The following NDC80 variants were observed in gnomAD, a reference collection of about 807,000 sequenced individuals.
NDC80 encodes NDC80 kinetochore complex component.
Under a neutral mutation model 89.3 loss-of-function variants are expected in NDC80, and 69 were observed. The ratio of observed to expected loss-of-function variants is 0.77; its 90% CI spans 0.64 to 0.94. NDC80 has a LOEUF of 0.94. Among genes scored for constraint, NDC80 ranks in the 40% least tolerant of loss-of-function variants. The pLI is 0.00. For missense variants in NDC80, 593 were observed against 739.6 expected, an observed-to-expected ratio of 0.80 and a Z score of 2.30; for synonymous variants, 243 against 255.6, an observed-to-expected ratio of 0.95 and a Z score of 0.47.
chr18:2,602,719 G>A (rs2072690404), intron 13 of NDC80, among the ~76,000 whole-genome samples: 1 of 152,160 alleles, frequency 6.6e-6, no homozygotes, highest in Non-Finnish European at 1.5e-5. Flanking sequence ...TAGTGTCCTA[G>A]AGATAAATAC....
intron 11 of NDC80, 145 bp from the exon 12 acceptor site, chr18:2,598,874 C>G (rs4798003): frequency 0.43 from 291,602 of 683,342 alleles, 66,217 homozygotes; most frequent in East Asian, 0.71. Flanking sequence ...TTTAAAACTG[C>G]TACTCTTACT....
In NDC80 at chr18:2,601,444, G is replaced by T. The variant is rs1477612594; in HGVS notation, c.1423G>T (p.Ala475Ser). ...TGAAACTGAAGAAGAAATTAATAAA[G>T]CCCTAAATAAAAAAATGGGTTTGGA... ...LNETEEEINK[A>S]LNKKMGLEDT... Residue 475 changes from alanine (A) to serine (S), a missense_variant, in exon 13 of 17, where the codon GCC (alanine) becomes TCC (serine). Physicochemically the swap from Ala to Ser is moderately conservative, Grantham distance 99. Coordinates refer to ENST00000261597, the MANE Select transcript of NDC80 (RefSeq NM_006101.3). 1 of 1,525,560 alleles carries T rather than the reference G, an allele frequency of 6.6e-7. No individual in the cohort carries two copies. The highest frequency in any genetic ancestry group is 8.9e-7 in the Non-Finnish European group (1 of 1,120,890). The allele number at this position is 1,525,560 out of a possible 1,614,324, so 94.5% of individuals were successfully genotyped here. A position where few individuals can be genotyped will look rare whatever the true frequency, so the allele number is the denominator to read the frequency against.
chr18:2,595,405 T>C lies in NDC80; in HGVS notation c.1016-11T>C. The C allele has an allele frequency of 6.2e-7, 1 of 1,608,154 alleles. No homozygotes were observed. Among genetic ancestry groups the C allele is most frequent in the African/African-American group, 1.3e-5 (1 of 74,662 alleles). On this transcript the variant is annotated splice_polypyrimidine_tract_variant and intron_variant, in intron 10 of 16. Transcript: ENST00000261597. ...AAGATACATTAAAAATTTGGTTTTT[T>C]TCCAACACAGAACTAGAATGTGAAA...
At chr18:2,614,767 A>C (rs947899477) in intron 16 of NDC80, among the ~76,000 whole-genome samples, 3 of 152,222 alleles carry the variant, frequency 2.0e-5, no homozygotes, top group African/African-American at 7.2e-5. Flanking sequence ...GCCCCCCGCA[A>C]AAGTCATGTC....
At chr18:2,609,833 C>A (rs2143668775) in intron 15 of NDC80, among the ~76,000 whole-genome samples, 2 of 152,300 alleles carry the variant, frequency 1.3e-5, no homozygotes, top group South Asian at 4.1e-4. Context: ...TGTGTGTATT[C>A]TTTTGCATCT....
At chr18:2,597,192 TAAATAAAATA>T (rs201175477) in intron 11 of NDC80, among the ~76,000 whole-genome samples, 7 of 151,048 alleles carry the variant, frequency 4.6e-5, no homozygotes, top group Non-Finnish European at 8.8e-5. Context: ...AAAAAATAAG[TAAATAAAATA>T]AAATAAAATA....
At chr18:2,581,089 G>C (rs537196152) in intron 6 of NDC80, among the ~76,000 whole-genome samples, 1 of 151,948 alleles carries the variant, frequency 6.6e-6, no homozygotes, top group Non-Finnish European at 1.5e-5. Context: ...ATATTGCTTT[G>C]CATGATGTGA....
chr18:2,614,921 T>G (rs1316927448), intron 16 of NDC80: 1 of 152,198 alleles, frequency 6.6e-6, no homozygotes, highest in African/African-American at 2.4e-5. Context: ...ATCTAGTGAC[T>G]GGCATCCTTA....
intron 6 of NDC80, 119 bp from the exon 7 acceptor site, chr18:2,584,994 A>T: frequency 1.5e-6 from 1 of 670,176 alleles, no homozygotes; most frequent in South Asian, 1.8e-5. Context: ...ATCAAAAGAG[A>T]CTTTTAGTTA....
intron 8 of NDC80, 132 bp from the exon 9 acceptor site, chr18:2,589,072 G>T: frequency 1.5e-6 from 1 of 648,540 alleles, no homozygotes; most frequent in East Asian, 2.6e-5. Flanking sequence ...TTACAAGGAT[G>T]GGATGTACTT....
At chr18:2,612,100 C>A (rs945987269) in intron 16 of NDC80, among the ~76,000 whole-genome samples, 3 of 151,904 alleles carry the variant, frequency 2.0e-5, no homozygotes, top group Non-Finnish European at 2.9e-5. Context: ...TAATTCTATT[C>A]TAGATGCATA....
intron 10 of NDC80, chr18:2,593,971 C>T (rs1429878107): frequency 1.2e-5 from 2 of 172,088 alleles, no homozygotes; most frequent in Non-Finnish European, 2.4e-5. Flanking sequence ...GGTGCGATCT[C>T]GGCTCACAGC....
intron 13 of NDC80, among the ~76,000 whole-genome samples, chr18:2,603,356 CATATAT>C (rs60997707): frequency 3.3e-4 from 40 of 120,788 alleles, no homozygotes; most frequent in South Asian, 2.5e-3. Flanking sequence ...TATGTTTATA[CATATAT>C]ATATATATAT....
chr18:2,608,506 G>A (rs1162575576), intron 14 of NDC80, among the ~76,000 whole-genome samples, 194 bp from the exon 15 acceptor site: 1 of 152,026 alleles, frequency 6.6e-6, no homozygotes, highest in Non-Finnish European at 1.5e-5. Flanking sequence ...ATGCCCAGCC[G>A]CATTTGTTTT....
intron 2 of NDC80, among the ~76,000 whole-genome samples, chr18:2,574,034 A>C (rs551605854): frequency 6.6e-6 from 1 of 152,194 alleles, no homozygotes; most frequent in Middle Eastern, 3.2e-3. Context: ...TTAAATCTGC[A>C]TAACAAGCCT....
Position 2,573,072 on chromosome 18 carries a change from C to T in NDC80, c.87C>T (p.Leu29=), listed in dbSNP as rs112843016. The T allele has an allele frequency of 1.5e-4, 249 of 1,613,296 alleles. 1 individual carries two copies. The African/African-American group carries it at 2.6e-3, about 17-fold the overall frequency. The change falls in exon 2 of 17, where the codon CTC becomes CTT. Residue 29 remains leucine, a synonymous_variant. Transcript: ENST00000261597. The part of the protein sequence containing the change: ...LRSQDVNKQG[L]YTPQTKEKPT... ...CCCAGGATGTAAATAAACAAGGCCTCTATACCCCTCAAACGTGAGTATTTC... is the reference window on the plus strand; with the variant it reads ...CCCAGGATGTAAATAAACAAGGCCTTTATACCCCTCAAACGTGAGTATTTC...
intron 11 of NDC80, among the ~76,000 whole-genome samples, chr18:2,598,677 T>G (rs1254402414): frequency 1.3e-5 from 2 of 152,246 alleles, no homozygotes; most frequent in East Asian, 3.8e-4. Context: ...TAAGATTGGT[T>G]TGTTTTACAT....
intron 10 of NDC80, among the ~76,000 whole-genome samples, chr18:2,592,776 G>A (rs2072633781): frequency 6.6e-6 from 1 of 152,080 alleles, no homozygotes; most frequent in African/African-American, 2.4e-5. Context: ...TTGCAAATAG[G>A]TTGTAACAAA....
intron 12 of NDC80, among the ~76,000 whole-genome samples, chr18:2,601,012 G>T (rs1370721274): frequency 6.6e-6 from 1 of 152,158 alleles, no homozygotes; most frequent in African/African-American, 2.4e-5. Context: ...AGACTAAACA[G>T]TTGAAAAGGA....
Sources: allele counts gnomAD v4.1 joint callset (sites outside exome capture counted in the v4.1 genomes callset), GRCh38; gene constraint gnomAD v4.1.1; transcripts MANE v1.5; gene names NCBI Gene and HGNC (gene_info 2026-07-23, HGNC 2026-07-21).